FSTL5: variants seen among roughly 807,000 people sequenced by gnomAD.
The protein encoded by FSTL5 is follistatin like 5, also known as follistatin-related protein 5.
In FSTL5, 62 loss-of-function variants were observed where a neutral mutation model predicts 89.1. That is an observed-to-expected ratio of 0.70 (90% CI 0.57 to 0.86). The LOEUF is 0.86. Ranked by LOEUF, FSTL5 falls within the 40% of genes least tolerant of loss-of-function variation. FSTL5 has a pLI of 0.00. For missense variants in FSTL5, 1,057 were observed against 1,001.6 expected, an observed-to-expected ratio of 1.06 and a Z score of -0.75; for synonymous variants, 383 against 346.2, an observed-to-expected ratio of 1.11 and a Z score of -1.18.
chr4:161,494,042 T>A (rs2126474413), intron 12 of FSTL5, among the ~76,000 whole-genome samples: 1 of 152,276 alleles, frequency 6.6e-6, no homozygotes, highest in East Asian at 1.9e-4. Context: ...TCTTTACATC[T>A]ACGATGTCAA....
chr4:161,827,211 G>T (rs756825411), intron 4 of FSTL5, among the ~76,000 whole-genome samples: 1 of 152,138 alleles, frequency 6.6e-6, no homozygotes, highest in African/African-American at 2.4e-5. Flanking sequence ...GAACTGTAGT[G>T]ATTATTTCTC....
intron 15 of FSTL5, among the ~76,000 whole-genome samples, chr4:161,399,508 G>C (rs1008882789): frequency 1.3e-5 from 2 of 152,068 alleles, no homozygotes; most frequent in African/African-American, 4.8e-5. Flanking sequence ...TAAAACGGCA[G>C]GCAACCACAT....
At chr4:162,104,708 C>G (rs1212304682) in intron 2 of FSTL5, among the ~76,000 whole-genome samples, 1 of 152,136 alleles carries the variant, frequency 6.6e-6, no homozygotes, top group African/African-American at 2.4e-5. Flanking sequence ...TTGTCTTTGA[C>G]CCAGGAGTCT....
chr4:161,870,639 G>A (rs535701751), intron 4 of FSTL5, among the ~76,000 whole-genome samples: 142 of 152,206 alleles, frequency 9.3e-4, no homozygotes, highest in Middle Eastern at 3.4e-3. Flanking sequence ...CTTAATGAAT[G>A]AGTAAATATC....
At chr4:161,679,586 T>C (rs1737448284) in intron 6 of FSTL5, among the ~76,000 whole-genome samples, 1 of 151,842 alleles carries the variant, frequency 6.6e-6, no homozygotes. Flanking sequence ...AATACAAGTA[T>C]AGAAATAATA....
intron 1 of FSTL5, among the ~76,000 whole-genome samples, chr4:162,119,299 G>GA (rs1462116955): frequency 4.0e-5 from 6 of 151,600 alleles, no homozygotes; most frequent in Non-Finnish European, 7.4e-5. Flanking sequence ...TATCTGCACA[G>GA]AAAAAACAAC....
In FSTL5 at chr4:162,107,843, T is replaced by C. The variant is rs1731282504; in HGVS notation, c.126+3428A>G. On this transcript the variant is annotated intron_variant, in intron 2 of 15. Coordinates refer to ENST00000306100, the MANE Select transcript of FSTL5 (RefSeq NM_020116.5). ...CTGCCTTTAAGGACCTCATTAGTTC[T>C]CACTCTCTCTTGTCCTTGGTAAAGT... Among the ~76,000 whole-genome samples the C allele has an allele frequency of 2.0e-5, 3 of 152,258 alleles. 1 individual carries two copies. Among genetic ancestry groups the C allele is most frequent in the Middle Eastern group, 3.4e-3 (1 of 294 alleles).
chr4:161,437,562 T>C (rs1332909368), intron 15 of FSTL5, among the ~76,000 whole-genome samples: 2 of 9,480 alleles, frequency 2.1e-4, no homozygotes, highest in African/African-American at 2.8e-4. Context: ...TGAGACTCCG[T>C]CTCAAAAAAA....
intron 6 of FSTL5, chr4:161,664,957 A>T (rs140288636): frequency 6.0e-6 from 1 of 165,574 alleles, no homozygotes; most frequent in East Asian, 1.8e-4. Context: ...CCTATTCACT[A>T]TCACGAGAAT....
intron 3 of FSTL5, among the ~76,000 whole-genome samples, chr4:161,946,903 A>AT (rs1221846692): frequency 1.3e-5 from 2 of 152,032 alleles, no homozygotes; most frequent in Non-Finnish European, 2.9e-5. Context: ...ATCTCTTTTG[A>AT]TTTTAGCCAC....
intron 3 of FSTL5, among the ~76,000 whole-genome samples, chr4:162,002,851 A>G (rs936172264): frequency 1.3e-5 from 2 of 152,030 alleles, no homozygotes; most frequent in African/African-American, 4.8e-5. Context: ...GTTGTTAGAA[A>G]TCAGCAGAGG....
chr4:161,833,440 A>G (rs142092953), intron 4 of FSTL5, among the ~76,000 whole-genome samples: 41,158 of 77,576 alleles, frequency 0.53, 10,750 homozygotes, highest in Non-Finnish European at 0.6. Flanking sequence ...TATCCTTGTT[A>G]ACTTTCTGTC....
At chr4:161,833,640 CTTCT>C (rs1006188537) in intron 4 of FSTL5, among the ~76,000 whole-genome samples, 7 of 151,956 alleles carry the variant, frequency 4.6e-5, no homozygotes, top group Non-Finnish European at 1.0e-4. Context: ...ATGTAATAGC[CTTCT>C]TTGTCTCTTT....
In FSTL5 at chr4:161,725,656, TA is replaced by T. The variant is rs1277755202; in HGVS notation, c.727+33754del. Among the ~76,000 whole-genome samples, 135 of 152,240 alleles carry T rather than the reference TA, an allele frequency of 8.9e-4. 4 individuals are homozygous for T. The highest frequency in any genetic ancestry group is 3.3e-3 in the South Asian group (16 of 4,826). On this transcript the variant is annotated intron_variant, in intron 6 of 15. Coordinates refer to ENST00000306100, the MANE Select transcript of FSTL5 (RefSeq NM_020116.5). ...AAAAAGACAAGTTTTCAATTTTGTC[TA>T]AAAAACATAAAAGAGTCAATTCTTT...
chr4:162,154,395 TGAA>T (rs904057699), intron 1 of FSTL5, among the ~76,000 whole-genome samples: 8 of 152,324 alleles, frequency 5.3e-5, no homozygotes, highest in Admixed American at 5.2e-4. Context: ...TTTCAAATGT[TGAA>T]GTTTTTCTTT....
chr4:161,864,885 A>C (rs935121050), intron 4 of FSTL5, among the ~76,000 whole-genome samples: 6 of 151,950 alleles, frequency 3.9e-5, no homozygotes, highest in African/African-American at 1.4e-4. Context: ...AAAAAAAAAA[A>C]AAAAAGCATT....
intron 4 of FSTL5, among the ~76,000 whole-genome samples, chr4:161,907,324 AG>A (rs1259609896): frequency 6.6e-6 from 1 of 152,076 alleles, no homozygotes; most frequent in Non-Finnish European, 1.5e-5. Flanking sequence ...AACAAGAATC[AG>A]TTCTATGGCC....
intron 2 of FSTL5, among the ~76,000 whole-genome samples, chr4:162,036,639 C>A (rs1295222312): frequency 1.3e-5 from 2 of 151,682 alleles, no homozygotes; most frequent in Non-Finnish European, 2.9e-5. Context: ...AATTAACCAA[C>A]AAAAGAGGAT....
At chr4:161,571,922 G>A (rs985022858) in intron 8 of FSTL5, among the ~76,000 whole-genome samples, 2 of 152,144 alleles carry the variant, frequency 1.3e-5, no homozygotes, top group African/African-American at 2.4e-5. Flanking sequence ...AGGCTTCTGA[G>A]CATTGTGATC....
Sources: gnomAD v4.1 joint callset for allele counts (sites outside exome capture counted in the v4.1 genomes callset) on GRCh38, gnomAD v4.1.1 for gene constraint, MANE v1.5 for transcripts, NCBI Gene and HGNC (gene_info 2026-07-23, HGNC 2026-07-21) for gene names.